OPCML: variants seen among roughly 807,000 people sequenced by gnomAD.
OPCML encodes the protein opioid-binding protein/cell adhesion molecule.
OPCML carries 13 observed loss-of-function variants against 37.8 expected under a neutral mutation model. The observed-to-expected ratio is 0.34, with a 90% CI of 0.22 to 0.55. The LOEUF is 0.55. OPCML is among the 20% of genes least tolerant of loss of function. The pLI, the probability that OPCML is intolerant of heterozygous loss-of-function variation, is 0.91. For missense variants in OPCML, 341 were observed against 435.6 expected (o/e 0.78, Z 1.93); for synonymous variants, 176 against 168.8 (o/e 1.04, Z -0.33).
At chr11:132,540,426 CCT>C (rs1282914934) in intron 3 of OPCML, among the ~76,000 whole-genome samples, 2 of 152,136 alleles carry the variant, frequency 1.3e-5, no homozygotes, top group East Asian at 3.8e-4. Context: ...AAAAATACAA[CCT>C]CTCAGGATCC....
chr11:132,428,729 T>C (rs114405155), intron 7 of OPCML, among the ~76,000 whole-genome samples: 142 of 152,306 alleles, frequency 9.3e-4, no homozygotes, highest in African/African-American at 3.3e-3. Context: ...CCCTCCTACC[T>C]GGGGGAATTC....
chr11:132,838,074 C>T (rs35909454), intron 2 of OPCML, among the ~76,000 whole-genome samples: 10,136 of 152,198 alleles, frequency 0.067, 388 homozygotes, highest in Non-Finnish European at 0.075. Flanking sequence ...TGTATACATG[C>T]TGAGAGGAAG....
intron 2 of OPCML, among the ~76,000 whole-genome samples, chr11:132,818,964 G>C (rs1000885633): frequency 1.3e-5 from 2 of 149,920 alleles, no homozygotes; most frequent in African/African-American, 4.9e-5. Flanking sequence ...CCCTCTACTT[G>C]GGGCACACCC....
intron 1 of OPCML, among the ~76,000 whole-genome samples, chr11:133,108,909 G>A (rs982655628): frequency 2.0e-5 from 3 of 152,186 alleles, no homozygotes; most frequent in African/African-American, 4.8e-5. Flanking sequence ...TCCATATGCA[G>A]GAAGCCTGAC....
At chr11:132,735,120 A>G (rs1004593781) in intron 2 of OPCML, among the ~76,000 whole-genome samples, 1 of 152,238 alleles carries the variant, frequency 6.6e-6, no homozygotes, top group African/African-American at 2.4e-5. Context: ...TAAAGGACCC[A>G]GAGCGTACTG....
chr11:132,688,399 G>C (rs1333936579), intron 2 of OPCML, among the ~76,000 whole-genome samples: 1 of 152,170 alleles, frequency 6.6e-6, no homozygotes, highest in East Asian at 1.9e-4. Flanking sequence ...ACACTAGCTT[G>C]AGACATTGAG....
chr11:132,969,411 T>C (rs1191448750), intron 1 of OPCML, among the ~76,000 whole-genome samples: 1 of 152,184 alleles, frequency 6.6e-6, no homozygotes, highest in African/African-American at 2.4e-5. Flanking sequence ...GTGGATGTTT[T>C]CACATTTATC....
At chr11:133,366,271 C>T (rs1010311598) in intron 1 of OPCML, among the ~76,000 whole-genome samples, 2 of 152,164 alleles carry the variant, frequency 1.3e-5, no homozygotes, top group South Asian at 2.1e-4. Context: ...CCGTGAGCCC[C>T]GCCTGCCAGG....
intron 1 of OPCML, among the ~76,000 whole-genome samples, chr11:133,181,288 A>G (rs931954507): frequency 7.1e-6 from 1 of 141,334 alleles, no homozygotes; most frequent in African/African-American, 2.6e-5. Flanking sequence ...GAACCTGATT[A>G]GGACCAGTGG....
chr11:132,846,623 T>C (rs1177277072), intron 2 of OPCML, among the ~76,000 whole-genome samples: 1 of 152,236 alleles, frequency 6.6e-6, no homozygotes, highest in Non-Finnish European at 1.5e-5. Context: ...TTAACATTGA[T>C]CTAGTCCATA....
intron 1 of OPCML, among the ~76,000 whole-genome samples, chr11:133,241,986 A>G (rs1408607804): frequency 6.6e-6 from 1 of 152,200 alleles, no homozygotes; most frequent in Non-Finnish European, 1.5e-5. Flanking sequence ...TTTTTCTGCA[A>G]TCTTTTAGAT....
intron 1 of OPCML, among the ~76,000 whole-genome samples, chr11:133,430,981 C>T (rs931443068): frequency 6.6e-6 from 1 of 152,078 alleles, no homozygotes; most frequent in African/African-American, 2.4e-5. Context: ...TCATGGGTTT[C>T]GAACGTTAGT....
intron 2 of OPCML, among the ~76,000 whole-genome samples, chr11:132,857,686 A>C (rs1299611912): frequency 6.6e-6 from 1 of 152,236 alleles, no homozygotes; most frequent in Non-Finnish European, 1.5e-5. Context: ...CATTCTTCTC[A>C]TTAATGTTTT....
intron 2 of OPCML, among the ~76,000 whole-genome samples, chr11:132,852,553 G>A (rs1453952648): frequency 1.3e-5 from 2 of 151,982 alleles, no homozygotes; most frequent in African/African-American, 4.8e-5. Context: ...CAAAGCAGTG[G>A]CACCAAACTG....
At chr11:132,741,762 C>T (rs1237703970) in intron 2 of OPCML, among the ~76,000 whole-genome samples, 1 of 152,098 alleles carries the variant, frequency 6.6e-6, no homozygotes, top group Non-Finnish European at 1.5e-5. Context: ...TGCAGTGGCT[C>T]ATGCATGTAA....
intron 2 of OPCML, among the ~76,000 whole-genome samples, chr11:132,768,702 T>G (rs766415450): frequency 5.9e-5 from 9 of 152,106 alleles, no homozygotes; most frequent in Non-Finnish European, 1.3e-4. Context: ...CACTATCTCC[T>G]TTCACACTCA....
chr11:132,670,733 A>AT (rs953687059), intron 2 of OPCML, among the ~76,000 whole-genome samples: 56 of 151,416 alleles, frequency 3.7e-4, no homozygotes, highest in Middle Eastern at 3.4e-3. Flanking sequence ...CAAAGAAACT[A>AT]TTTTTTTTTA....
At chr11:133,304,842 T>G (rs982401032) in intron 1 of OPCML, among the ~76,000 whole-genome samples, 1 of 152,202 alleles carries the variant, frequency 6.6e-6, no homozygotes, top group Non-Finnish European at 1.5e-5. Flanking sequence ...GATTTTTCCT[T>G]ATGAAAATGA....
At chr11:132,520,792 G>A (rs556316994) in intron 4 of OPCML, among the ~76,000 whole-genome samples, 11 of 152,082 alleles carry the variant, frequency 7.2e-5, no homozygotes, top group Admixed American at 5.2e-4. Context: ...GGGCATTTGG[G>A]TTGGTTCCAA....
Sources: allele counts gnomAD v4.1 joint callset (sites outside exome capture counted in the v4.1 genomes callset), GRCh38; gene constraint gnomAD v4.1.1; transcripts MANE v1.5; gene names NCBI Gene and HGNC (gene_info 2026-07-23, HGNC 2026-07-21).